Variants in GNAI3 observed in about 807,000 individuals in gnomAD.
GNAI3 encodes guanine nucleotide-binding protein G(i) subunit alpha-3.
Under a neutral mutation model 41.8 loss-of-function variants are expected in GNAI3, and 12 were observed. The ratio of observed to expected loss-of-function variants is 0.29; its 90% confidence interval spans 0.18 to 0.47. GNAI3 has a LOEUF of 0.47. Among genes scored for constraint, GNAI3 ranks in the 20% least tolerant of loss-of-function variants. The pLI, the probability that GNAI3 is intolerant of heterozygous loss-of-function variation, is 1.00. For missense variants in GNAI3, 360 were observed against 429.6 expected (o/e 0.84, Z 1.43); for synonymous variants, 132 against 146.5 (o/e 0.90, Z 0.71).
chr1:109,563,292 G>T (rs1648363460), intron 1 of GNAI3, among the ~76,000 whole-genome samples: 2 of 152,200 alleles, frequency 1.3e-5, no homozygotes, highest in Admixed American at 1.3e-4. Flanking sequence ...GAGGGGGAAG[G>T]ATCGCTTGAG....
At chr1:109,552,099 T>C (rs1158670113) in intron 1 of GNAI3, among the ~76,000 whole-genome samples, 1 of 151,780 alleles carries the variant, frequency 6.6e-6, no homozygotes, top group Non-Finnish European at 1.5e-5. Context: ...GAGGTGGAGG[T>C]TGCAGTGAGC....
Position 109,573,721 on chromosome 1 carries a change from T to G in GNAI3, c.119-16T>G. 1 of 1,594,274 alleles carries G rather than the reference T, an allele frequency of 6.3e-7. No individual in the cohort carries two copies. The highest frequency in any genetic ancestry group is 2.2e-5 in the East Asian group (1 of 44,760). On this transcript the variant is annotated splice_polypyrimidine_tract_variant and intron_variant, in intron 1 of 8. Coordinates refer to ENST00000369851, the MANE Select transcript of GNAI3 (RefSeq NM_006496.4). ...GATTACCGAGAAATTCAAAGTCTGGTTTTCTTTTCTTACAGGTGCTGGAGA... is the reference window on the plus strand; with the variant it reads ...GATTACCGAGAAATTCAAAGTCTGGGTTTCTTTTCTTACAGGTGCTGGAGA...
At chr1:109,562,101 T>C (rs1648326368) in intron 1 of GNAI3, among the ~76,000 whole-genome samples, 1 of 152,170 alleles carries the variant, frequency 6.6e-6, no homozygotes, top group Admixed American at 6.5e-5. Flanking sequence ...TATGTGTATA[T>C]ATGAATATAT....
Position 109,598,984 on chromosome 1 carries a change from C to T in GNAI3, c.*6662C>T, listed in dbSNP as rs1003997269. The T allele has an allele frequency of 7.5e-6, 4 of 534,736 alleles. No individual in the cohort carries two copies. The highest frequency in any genetic ancestry group is 5.4e-5 in the East Asian group (1 of 18,358). 33.1% of individuals were successfully genotyped at this position (534,736 alleles called of 1,614,324 possible). ...AGCATGGCCGGCACACTTTGGTCTACGGCACATCTCCAAGTATAGAGTGGG... is the reference window on the plus strand; with the variant it reads ...AGCATGGCCGGCACACTTTGGTCTATGGCACATCTCCAAGTATAGAGTGGG... On this transcript the variant is annotated 3_prime_UTR_variant, in exon 9 of 9. Transcript: ENST00000369851.
rs141540915 is a variant in GNAI3 at position 109,564,819 on chromosome 1, T to C, written c.119-8918T>C. On this transcript the variant is annotated intron_variant, in intron 1 of 8. Coordinates refer to ENST00000369851, the MANE Select transcript of GNAI3 (RefSeq NM_006496.4). The stretch of plus-strand genomic sequence containing the variant: ...GCAGGCAGATGTTCTGAAATTCTAA[T>C]ATGTCAATTAAGTTTTATCAGAATT... Among the ~76,000 whole-genome samples, 589 of 152,340 alleles carry C rather than the reference T, an allele frequency of 3.9e-3. 4 individuals are homozygous for C. Among genetic ancestry groups the C allele is most frequent in the Middle Eastern group, 0.017 (5 of 294 alleles).
chr1:109,561,172 T>G (rs953286519), intron 1 of GNAI3, among the ~76,000 whole-genome samples: 3 of 152,210 alleles, frequency 2.0e-5, no homozygotes, highest in African/African-American at 7.2e-5. Context: ...TATTTCTTAC[T>G]CTATTTTTGT....
intron 1 of GNAI3, among the ~76,000 whole-genome samples, chr1:109,559,186 GA>G (rs928264188): frequency 8.6e-5 from 12 of 140,326 alleles, no homozygotes; most frequent in African/African-American, 1.8e-4. Context: ...TGTCTCAAAA[GA>G]AAAAAAAAAG....
intron 5 of GNAI3, among the ~76,000 whole-genome samples, chr1:109,585,314 G>T (rs544294104): frequency 1.3e-5 from 2 of 152,314 alleles, no homozygotes; most frequent in South Asian, 4.1e-4. Context: ...AAGTTCAGCA[G>T]TTGACTCAGA....
Position 109,597,818 on chromosome 1 carries a change from A to G in GNAI3, c.*5496A>G, listed in dbSNP as rs929652014. 1.3e-5 allele frequency: 2 copies of G among 152,080 alleles called. No individual in the cohort carries two copies. The highest frequency in any genetic ancestry group is 2.4e-5 in the African/African-American group (1 of 41,466). 9.4% of individuals were successfully genotyped at this position (152,080 alleles called of 1,614,324 possible). A position where few individuals can be genotyped will look rare whatever the true frequency, so the allele number is the denominator to read the frequency against. On this transcript the variant is annotated 3_prime_UTR_variant, in exon 9 of 9. Transcript: ENST00000369851. The stretch of plus-strand genomic sequence containing the variant: ...TAACAGTATATGTAATAACATGAAT[A>G]TTTATTTACACTTGGTAGAGAAAGC...
chr1:109,549,296 A>G (rs1229858663), intron 1 of GNAI3, among the ~76,000 whole-genome samples: 2 of 151,162 alleles, frequency 1.3e-5, no homozygotes, highest in Non-Finnish European at 3.0e-5. Flanking sequence ...GCTTGAATGG[A>G]TGGTACAGAG....
At chr1:109,566,937 G>A (rs1049290627) in intron 1 of GNAI3, among the ~76,000 whole-genome samples, 6 of 152,124 alleles carry the variant, frequency 3.9e-5, no homozygotes, top group Non-Finnish European at 7.3e-5. Flanking sequence ...GGAATCAACC[G>A]GGAGCAGTAG....
chr1:109,555,963 C>CGTGTGTGTGTGTGTGTGTGTGT (rs71069692), intron 1 of GNAI3, among the ~76,000 whole-genome samples: 2 of 144,534 alleles, frequency 1.4e-5, no homozygotes, highest in African/African-American at 5.2e-5. Flanking sequence ...TGCGTGCGTG[C>CGTGTGTGTGTGTGTGTGTGTGT]GTGTGTGTGT....
At chr1:109,576,602 T>A (rs1648749258) in intron 3 of GNAI3, among the ~76,000 whole-genome samples, 1 of 151,690 alleles carries the variant, frequency 6.6e-6, no homozygotes, top group East Asian at 2.0e-4. Context: ...CACCGCAACC[T>A]CTGCCTCCTG....
At chr1:109,584,049 G>C (rs947391328) in intron 5 of GNAI3, among the ~76,000 whole-genome samples, 1 of 152,012 alleles carries the variant, frequency 6.6e-6, no homozygotes, top group Non-Finnish European at 1.5e-5. Flanking sequence ...CTTTAGTTAT[G>C]GCATTATGCT....
intron 1 of GNAI3, among the ~76,000 whole-genome samples, chr1:109,550,247 G>A (rs1647946730): frequency 1.3e-5 from 2 of 152,324 alleles, no homozygotes; most frequent in South Asian, 4.1e-4. Context: ...TTGGTTGGTT[G>A]TAGATTGCAG....
chr1:109,575,313 C>G (rs775033086), intron 3 of GNAI3, among the ~76,000 whole-genome samples: 4 of 151,784 alleles, frequency 2.6e-5, no homozygotes, highest in Non-Finnish European at 5.9e-5. Context: ...TTTTCTTCCT[C>G]CCTTTTCTCA....
rs1366440150 is a variant in GNAI3 at position 109,592,416 on chromosome 1, A to G, written c.*94A>G. On this transcript the variant is annotated 3_prime_UTR_variant, in exon 9 of 9. Coordinates refer to ENST00000369851, the MANE Select transcript of GNAI3 (RefSeq NM_006496.4). ...TGGGGCAGCTACAAGCATGAACGGG[A>G]CCAGGGAATGGCAGCAGCATGCAGA... 2.1e-6 allele frequency: 1 copy of G among 479,896 alleles called. No individual in the cohort carries two copies. Among genetic ancestry groups the G allele is most frequent in the Non-Finnish European group, 3.8e-6 (1 of 264,938 alleles). The allele number at this position is 479,896 out of a possible 1,614,324, so 29.7% of individuals were successfully genotyped here. A position where few individuals can be genotyped will look rare whatever the true frequency, so the allele number is the denominator to read the frequency against.
At chr1:109,555,967 T>TGCGTGCGTGCGTGCGTGCGTGCGTGC (rs1553222507) in intron 1 of GNAI3, among the ~76,000 whole-genome samples, 5 of 86,660 alleles carry the variant, frequency 5.8e-5, no homozygotes, top group South Asian at 3.7e-4. Context: ...TGCGTGCGTG[T>TGCGTGCGTGCGTGCGTGCGTGCGTGC]GTGTGTGTGT....
intron 1 of GNAI3, among the ~76,000 whole-genome samples, chr1:109,567,634 A>G (rs1354569208): frequency 6.6e-6 from 1 of 152,266 alleles, no homozygotes; most frequent in Non-Finnish European, 1.5e-5. Context: ...TTATGAAACC[A>G]CTGCTAAATA....
Sources: gnomAD v4.1 joint callset for allele counts (sites outside exome capture counted in the v4.1 genomes callset) on GRCh38, gnomAD v4.1.1 for gene constraint, MANE v1.5 for transcripts, NCBI Gene and HGNC (gene_info 2026-07-23, HGNC 2026-07-21) for gene names.